The following GALNT10 variants were observed in gnomAD, a reference collection of about 807,000 sequenced individuals.
GALNT10 encodes GalNAc transferase 10.
In GALNT10, 41 loss-of-function variants were observed where a neutral mutation model predicts 75.0. The observed-to-expected ratio is 0.55, with a 90% CI of 0.43 to 0.71. The LOEUF (loss-of-function observed/expected upper bound fraction) is 0.71. Among genes scored for constraint, GALNT10 ranks in the 30% least tolerant of loss-of-function variants. GALNT10 has a pLI of 0.00. For synonymous variants in GALNT10, 302 were observed against 313.0 expected, an observed-to-expected ratio of 0.96 and a Z score of 0.37; for missense variants, 727 against 818.5, an observed-to-expected ratio of 0.89 and a Z score of 1.36.
intron 3 of GALNT10, among the ~76,000 whole-genome samples, chr5:154,324,123 G>A (rs142401767): frequency 1.8e-3 from 273 of 152,348 alleles, no homozygotes; most frequent in South Asian, 9.7e-3. Flanking sequence ...TTTCTACACC[G>A]TCTCTGTGCT....
intron 1 of GALNT10, among the ~76,000 whole-genome samples, chr5:154,290,074 G>A (rs1458608021): frequency 6.6e-6 from 1 of 151,012 alleles, no homozygotes; most frequent in Non-Finnish European, 1.5e-5. Context: ...GGCCCTTCAG[G>A]CTCCATGTAC....
chr5:154,307,847 G>A (rs936337321), intron 3 of GALNT10, among the ~76,000 whole-genome samples: 3 of 151,496 alleles, frequency 2.0e-5, no homozygotes, highest in African/African-American at 7.3e-5. Flanking sequence ...GAAGATCAAA[G>A]GATAAAGAGG....
At chr5:154,339,679 G>A (rs554716425) in intron 4 of GALNT10, among the ~76,000 whole-genome samples, 7 of 152,296 alleles carry the variant, frequency 4.6e-5, no homozygotes, top group East Asian at 1.9e-4. Context: ...TATATTTTCA[G>A]AAAGGTGATG....
Position 154,292,437 on chromosome 5 carries a change from G to C in GALNT10, c.160-2379G>C, listed in dbSNP as rs1386134139. Reference sequence around the variant, plus strand: ...TCCATTAAAAGATCCTCAGTTTGCAGAGCCTCTAGTCCCACCAGGGCTGAA... The same window carrying C: ...TCCATTAAAAGATCCTCAGTTTGCACAGCCTCTAGTCCCACCAGGGCTGAA... On this transcript the variant is annotated intron_variant, in intron 1 of 11. Coordinates refer to ENST00000297107, the MANE Select transcript of GALNT10 (RefSeq NM_198321.4). Among the ~76,000 whole-genome samples, 6 of 152,198 alleles carry C rather than the reference G, an allele frequency of 3.9e-5. No individual in the cohort carries two copies. The East Asian group carries it at 1.2e-3, about 29-fold the overall frequency.
intron 1 of GALNT10, among the ~76,000 whole-genome samples, chr5:154,203,739 A>T (rs956631620): frequency 1.2e-4 from 18 of 152,188 alleles, no homozygotes; most frequent in African/African-American, 3.9e-4. Flanking sequence ...TCCTAGCAGG[A>T]CACTCCCTTG....
intron 6 of GALNT10, among the ~76,000 whole-genome samples, chr5:154,384,701 T>C (rs1755784813): frequency 6.6e-6 from 1 of 152,226 alleles, no homozygotes; most frequent in Non-Finnish European, 1.5e-5. Context: ...GTTCTTTGCA[T>C]GCATCACCTG....
At chr5:154,203,294 T>A (rs1775056005) in intron 1 of GALNT10, among the ~76,000 whole-genome samples, 1 of 152,120 alleles carries the variant, frequency 6.6e-6, no homozygotes, top group Non-Finnish European at 1.5e-5. Context: ...TGTGTGTCTC[T>A]CTCTTAGCAA....
At chr5:154,329,157 A>G (rs1754802976) in intron 3 of GALNT10, among the ~76,000 whole-genome samples, 1 of 152,224 alleles carries the variant, frequency 6.6e-6, no homozygotes, top group Non-Finnish European at 1.5e-5. Flanking sequence ...ATATTAGAAC[A>G]TAAGATTTTC....
At chr5:154,328,885 G>A (rs879412088) in intron 3 of GALNT10, among the ~76,000 whole-genome samples, 3 of 152,134 alleles carry the variant, frequency 2.0e-5, no homozygotes, top group Non-Finnish European at 4.4e-5. Flanking sequence ...CTGTGGGAAG[G>A]ACCTCCTACA....
At chr5:154,197,865 T>G (rs1328836977) in intron 1 of GALNT10, among the ~76,000 whole-genome samples, 1 of 152,172 alleles carries the variant, frequency 6.6e-6, no homozygotes, top group East Asian at 1.9e-4. Context: ...TGCCCAAGGA[T>G]GCACAGCCTG....
chr5:154,241,688 C>A (rs1007935525), intron 1 of GALNT10, among the ~76,000 whole-genome samples: 1 of 152,048 alleles, frequency 6.6e-6, no homozygotes, highest in Non-Finnish European at 1.5e-5. Context: ...TTTAAAAATA[C>A]CAGATATTAT....
intron 1 of GALNT10, among the ~76,000 whole-genome samples, chr5:154,192,385 A>G (rs1774871284): frequency 6.6e-6 from 1 of 152,216 alleles, no homozygotes; most frequent in Admixed American, 6.5e-5. Flanking sequence ...TCAAACCCTG[A>G]CAGCTAGCTT....
intron 3 of GALNT10, among the ~76,000 whole-genome samples, chr5:154,324,380 T>C (rs2113111260): frequency 6.6e-6 from 1 of 152,330 alleles, no homozygotes; most frequent in South Asian, 2.1e-4. Context: ...TGTCTCACTC[T>C]AGGACCACTT....
intron 4 of GALNT10, among the ~76,000 whole-genome samples, chr5:154,336,133 G>A (rs1232555552): frequency 1.3e-5 from 2 of 152,176 alleles, no homozygotes; most frequent in African/African-American, 2.4e-5. Flanking sequence ...ATGCACTTAA[G>A]ATTCCTCCAT....
At chr5:154,230,529 A>G (rs1753133038) in intron 1 of GALNT10, among the ~76,000 whole-genome samples, 1 of 152,156 alleles carries the variant, frequency 6.6e-6, no homozygotes, top group Admixed American at 6.5e-5. Flanking sequence ...TCTGCACCAT[A>G]GGCTTCTGTG....
chr5:154,401,469 G>A (rs1289256276), intron 7 of GALNT10, among the ~76,000 whole-genome samples: 1 of 152,212 alleles, frequency 6.6e-6, no homozygotes, highest in Admixed American at 6.5e-5. Context: ...TTTGTATAAA[G>A]GAAGAGTTAT....
At chr5:154,238,908 A>G (rs1753289813) in intron 1 of GALNT10, among the ~76,000 whole-genome samples, 1 of 152,096 alleles carries the variant, frequency 6.6e-6, no homozygotes, top group South Asian at 2.1e-4. Context: ...TTTGTATTTG[A>G]TTCGCACCAG....
In GALNT10 at chr5:154,310,449, TTTTGTTTGTTTG is replaced by T. The variant is rs70978535; in HGVS notation, c.401+12390_401+12401del. Among the ~76,000 whole-genome samples, 5 of 125,270 alleles carry T rather than the reference TTTTGTTTGTTTG, an allele frequency of 4.0e-5. No homozygotes were observed. In the East Asian group the frequency reaches 9.8e-4, roughly 25 times the overall value. 82.2% of individuals were successfully genotyped at this position (125,270 alleles called of 152,430 possible). A position where few individuals can be genotyped will look rare whatever the true frequency, so the allele number is the denominator to read the frequency against. On this transcript the variant is annotated intron_variant, in intron 3 of 11. Transcript: ENST00000297107. ...ATCACTGGGTTTTTTTTGTTTTTTT[TTTTGTTTGTTTG>T]TTTGTTTGTTTGTTTGTTTTGTTTT... is the stretch of plus-strand genomic sequence containing the variant.
intron 1 of GALNT10, among the ~76,000 whole-genome samples, chr5:154,283,792 G>A (rs997471218): frequency 1.3e-5 from 2 of 152,226 alleles, no homozygotes; most frequent in African/African-American, 4.8e-5. Context: ...CCAGCCCAAA[G>A]AGCCAAGATT....
Sources: gnomAD v4.1 joint callset for allele counts (sites outside exome capture counted in the v4.1 genomes callset) on GRCh38, gnomAD v4.1.1 for gene constraint, MANE v1.5 for transcripts, NCBI Gene and HGNC (gene_info 2026-07-23, HGNC 2026-07-21) for gene names.